AGXT2: variants seen among roughly 807,000 people sequenced by gnomAD.
AGXT2 encodes the protein alanine--glyoxylate aminotransferase 2.
Under a neutral mutation model 62.5 loss-of-function variants are expected in AGXT2, and 61 were observed. The ratio of observed to expected loss-of-function variants is 0.98; its 90% confidence interval spans 0.79 to 1.21. The LOEUF (loss-of-function observed/expected upper bound fraction) is 1.21. AGXT2 is among the 50% of genes most tolerant of loss of function. AGXT2 has a pLI of 0.00. For missense variants in AGXT2, 666 were observed against 641.5 expected, an observed-to-expected ratio of 1.04 and a Z score of -0.41; for synonymous variants, 243 against 218.7, an observed-to-expected ratio of 1.11 and a Z score of -0.98.
Position 35,024,730 on chromosome 5 carries a change from A to T in AGXT2, c.963+1033T>A, listed in dbSNP as rs186231060. ...ATGCCTGTAAACCCAGCACTTTGGG[A>T]CGCCAAGGTGGGCAGATCACCTGAG... On this transcript the variant is annotated intron_variant, in intron 9 of 13. Transcript: ENST00000231420. Among the ~76,000 whole-genome samples the T allele has an allele frequency of 7.9e-4, 121 of 152,274 alleles. 2 individuals are homozygous for T. In the East Asian group the frequency reaches 0.022, roughly 28 times the overall value.
intron 9 of AGXT2, among the ~76,000 whole-genome samples, chr5:35,019,942 C>A (rs1049416985): frequency 6.6e-6 from 1 of 152,180 alleles, no homozygotes; most frequent in African/African-American, 2.4e-5. Context: ...ATACTACAAC[C>A]ACCTCTATGC....
At chr5:35,036,321 C>G (rs1199278929) in intron 4 of AGXT2, among the ~76,000 whole-genome samples, 1 of 152,170 alleles carries the variant, frequency 6.6e-6, no homozygotes, top group African/African-American at 2.4e-5. Context: ...ATAGATAACA[C>G]TCGGGACTGA....
chr5:35,031,547 A>C (rs344161), intron 7 of AGXT2, among the ~76,000 whole-genome samples: 142,889 of 152,272 alleles, frequency 0.94, 67,502 homozygotes, highest in Non-Finnish European at 1. Flanking sequence ...AGCGGCTATT[A>C]AAAAGGTTGT....
At chr5:35,039,871 G>A (rs758001071) in intron 2 of AGXT2, among the ~76,000 whole-genome samples, 1 of 152,166 alleles carries the variant, frequency 6.6e-6, no homozygotes, top group South Asian at 2.1e-4. Context: ...TGTTGTGGTA[G>A]TGTTTTAAAA....
chr5:35,003,079 C>T (rs1393291392), intron 13 of AGXT2, among the ~76,000 whole-genome samples: 1 of 152,226 alleles, frequency 6.6e-6, no homozygotes, highest in Non-Finnish European at 1.5e-5. Flanking sequence ...CTGTGAGGGG[C>T]AGCCTCTCGG....
intron 8 of AGXT2, 126 bp downstream of exon 8, chr5:35,026,284 G>T: frequency 1.2e-6 from 1 of 826,192 alleles, no homozygotes; most frequent in South Asian, 1.5e-5. Flanking sequence ...AGGAGACCAA[G>T]AGAATGAATT....
intron 1 of AGXT2, among the ~76,000 whole-genome samples, chr5:35,040,888 C>T (rs181248417): frequency 1.2e-4 from 18 of 152,084 alleles, no homozygotes; most frequent in Admixed American, 7.2e-4. Context: ...AAAAAATCTA[C>T]GGCAGTCCCT....
At chr5:35,032,422 T>G (rs1250569113) in intron 7 of AGXT2, among the ~76,000 whole-genome samples, 1 of 152,230 alleles carries the variant, frequency 6.6e-6, no homozygotes, top group Non-Finnish European at 1.5e-5. Context: ...CCAGAGCTAT[T>G]GCTATTATAA....
intron 13 of AGXT2, 66 bp from the exon 14 acceptor site, chr5:34,998,892 C>A (rs1766126695): frequency 3.3e-6 from 4 of 1,226,312 alleles, no homozygotes; most frequent in Admixed American, 1.7e-5. Context: ...TGAGGAAATG[C>A]ACTAAACTAA....
chr5:35,009,500 G>A (rs139548750), intron 12 of AGXT2, among the ~76,000 whole-genome samples: 326 of 152,186 alleles, frequency 2.1e-3, no homozygotes, highest in African/African-American at 7.6e-3. Context: ...GGAGGCTGAG[G>A]CTCGAGAATA....
At chr5:35,026,309 G>T in intron 8 of AGXT2, 101 bp downstream of exon 8, 1 of 954,734 alleles carries the variant, frequency 1.0e-6, no homozygotes, top group Non-Finnish European at 1.7e-6. Flanking sequence ...GAGGGACACA[G>T]TGAGCACTTA....
At chr5:35,004,063 T>C (rs1766335023) in intron 12 of AGXT2, among the ~76,000 whole-genome samples, 1 of 152,166 alleles carries the variant, frequency 6.6e-6, no homozygotes, top group African/African-American at 2.4e-5. Context: ...GGATGTTATT[T>C]AAAATGTTTG....
chr5:35,007,606 G>T (rs1462360960), intron 12 of AGXT2, among the ~76,000 whole-genome samples: 1 of 152,188 alleles, frequency 6.6e-6, no homozygotes, highest in Non-Finnish European at 1.5e-5. Flanking sequence ...AGGGGACAGT[G>T]AGTAGAATTA....
At chr5:35,004,535 C>A (rs906619263) in intron 12 of AGXT2, among the ~76,000 whole-genome samples, 14 of 152,198 alleles carry the variant, frequency 9.2e-5, no homozygotes, top group Admixed American at 8.5e-4. Flanking sequence ...TTCTGTGCGT[C>A]CCCTGTCTTC....
intron 9 of AGXT2, among the ~76,000 whole-genome samples, chr5:35,017,063 T>C (rs181227924): frequency 2.0e-5 from 3 of 152,346 alleles, no homozygotes; most frequent in Admixed American, 2.0e-4. Flanking sequence ...AGAATGCCAC[T>C]GATTGTTAAT....
chr5:35,022,813 A>G (rs1174407303), intron 9 of AGXT2, among the ~76,000 whole-genome samples: 3 of 151,844 alleles, frequency 2.0e-5, no homozygotes, highest in Non-Finnish European at 4.4e-5. Context: ...TCCCTTTAGA[A>G]TATGCTATAA....
At chr5:35,039,086 A>T (rs1405325497) in intron 3 of AGXT2, among the ~76,000 whole-genome samples, 6 of 152,210 alleles carry the variant, frequency 3.9e-5, no homozygotes, top group African/African-American at 1.4e-4. Flanking sequence ...GACTCCAGTC[A>T]CATGGTACAT....
At chr5:35,021,739 A>C (rs1337768574) in intron 9 of AGXT2, among the ~76,000 whole-genome samples, 3 of 151,994 alleles carry the variant, frequency 2.0e-5, no homozygotes, top group South Asian at 4.1e-4. Context: ...TAATTAAACT[A>C]AAGAGCTTCT....
chr5:35,003,137 G>T (rs1295389969), intron 13 of AGXT2, among the ~76,000 whole-genome samples: 1 of 152,184 alleles, frequency 6.6e-6, no homozygotes, highest in Non-Finnish European at 1.5e-5. Flanking sequence ...AGCTGGGCAT[G>T]GCTTTTCAAG....
Sources: gnomAD v4.1 joint callset for allele counts (sites outside exome capture counted in the v4.1 genomes callset) on GRCh38, gnomAD v4.1.1 for gene constraint, MANE v1.5 for transcripts, NCBI Gene and HGNC (gene_info 2026-07-23, HGNC 2026-07-21) for gene names.